Variants in POLR2B observed in about 807,000 individuals in gnomAD.
POLR2B encodes DNA-directed RNA polymerase II subunit RPB2.
In POLR2B, 57 loss-of-function variants were observed where a neutral mutation model predicts 144.6. The observed-to-expected ratio is 0.39, with a 90% CI of 0.32 to 0.49. The LOEUF (loss-of-function observed/expected upper bound fraction) is 0.49, where lower values mean the gene tolerates loss of function less well. Among genes scored for constraint, POLR2B ranks in the 20% least tolerant of loss-of-function variants. The pLI, the probability that POLR2B is intolerant of heterozygous loss-of-function variation, is 0.83. For missense variants in POLR2B, 595 were observed against 1,467.4 expected, an observed-to-expected ratio of 0.41 and a Z score of 9.71; for synonymous variants, 442 against 469.8, an observed-to-expected ratio of 0.94 and a Z score of 0.77.
intron 23 of POLR2B, among the ~76,000 whole-genome samples, chr4:57,028,034 T>TA (rs1723781097): frequency 6.6e-6 from 1 of 152,224 alleles, no homozygotes; most frequent in Non-Finnish European, 1.5e-5. Flanking sequence ...CTCAAAGACT[T>TA]ACTTTTTTCG....
chr4:57,001,149 T>C (rs1188145864), intron 7 of POLR2B, among the ~76,000 whole-genome samples: 1 of 152,148 alleles, frequency 6.6e-6, no homozygotes, highest in African/African-American at 2.4e-5. Flanking sequence ...ATATGTCTTT[T>C]TAGTCTTTTA....
intron 3 of POLR2B, among the ~76,000 whole-genome samples, chr4:56,992,721 G>A (rs574657515): frequency 3.0e-4 from 46 of 150,972 alleles, no homozygotes; most frequent in African/African-American, 1.1e-3. Context: ...CACCACGCCC[G>A]GCTATTATTT....
chr4:57,019,990 A>G (rs952380896), intron 16 of POLR2B, among the ~76,000 whole-genome samples: 1 of 151,956 alleles, frequency 6.6e-6, no homozygotes, highest in Admixed American at 6.6e-5. Flanking sequence ...TTTAGGTTTG[A>G]CTATTGTTTC....
intron 2 of POLR2B, among the ~76,000 whole-genome samples, chr4:56,987,788 A>G (rs1046968575): frequency 6.6e-6 from 1 of 152,114 alleles, no homozygotes; most frequent in Non-Finnish European, 1.5e-5. Context: ...AGGCTGAGGC[A>G]GGAGAATCAC....
In POLR2B at chr4:57,023,782, A is replaced by G; in HGVS notation, c.2856+31A>G. The G allele has an allele frequency of 7.3e-7, 1 of 1,374,028 alleles. No individual in the cohort carries two copies. 85.1% of individuals were successfully genotyped at this position (1,374,028 alleles called of 1,614,324 possible). A position where few individuals can be genotyped will look rare whatever the true frequency, so the allele number is the denominator to read the frequency against. ...TATCTTTGATCTCCCTCATGCCCAA[A>G]CCAGTTTTGTTAAATATTTTTTTTT... On this transcript the variant is annotated intron_variant, in intron 20 of 24. Coordinates refer to ENST00000314595, the MANE Select transcript of POLR2B (RefSeq NM_000938.3). The surrounding 1 kb of genome is among the most constrained non-coding windows in gnomAD (Gnocchi z 4.3).
chr4:57,014,739 C>T (rs564401017), intron 13 of POLR2B, among the ~76,000 whole-genome samples: 2 of 145,102 alleles, frequency 1.4e-5, no homozygotes, highest in Non-Finnish European at 1.5e-5. Flanking sequence ...CTCCTGACCT[C>T]GTGATCCATC....
At chr4:57,015,851 T>A (rs1723349544) in intron 14 of POLR2B, among the ~76,000 whole-genome samples, 195 bp downstream of exon 14, 1 of 152,112 alleles carries the variant, frequency 6.6e-6, no homozygotes, top group African/African-American at 2.4e-5. Context: ...CTCCACCTCC[T>A]GGGTTCAAGC....
chr4:57,004,093 C>A (rs932593665), intron 7 of POLR2B, among the ~76,000 whole-genome samples: 1 of 118,304 alleles, frequency 8.5e-6, no homozygotes, highest in Non-Finnish European at 1.6e-5. Flanking sequence ...GTGTCATGAT[C>A]TTGGCTCACT....
Position 57,017,643 on chromosome 4 carries a change from A to T in POLR2B, c.2238A>T (p.Thr746=), listed in dbSNP as rs143435619. 1.1e-5 allele frequency: 18 copies of T among 1,612,832 alleles called. No individual in the cohort carries two copies. The African/African-American group carries it at 2.4e-4, about 22-fold the overall frequency. The part of the protein sequence containing the change: ...YITNFHVRMD[T]LAHVLYYPQK... ...CCAACTTCCATGTTCGCATGGACAC[A>T]TTGGCCCATGTTCTCTATTATCCTC... The change falls in exon 16 of 25, where the codon ACA becomes ACT. Residue 746 remains threonine (T), a synonymous_variant. Transcript: ENST00000314595. This position sits in a 1 kb window ranked among gnomAD's most constrained non-coding sequence, Gnocchi z 4.8.
In POLR2B at chr4:56,996,260, GTGTA is replaced by G. The variant is rs1277443875; in HGVS notation, c.735+853_735+856del. Among the ~76,000 whole-genome samples the G allele has an allele frequency of 8.6e-3, 616 of 71,702 alleles. 24 individuals carry two copies. The highest frequency in any genetic ancestry group is 0.041 in the South Asian group (71 of 1,712). The allele number at this position is 71,702 out of a possible 152,430, so 47.0% of individuals were successfully genotyped here. A position where few individuals can be genotyped will look rare whatever the true frequency, so the allele number is the denominator to read the frequency against. On this transcript the variant is annotated intron_variant, in intron 6 of 24. Transcript: ENST00000314595. The stretch of plus-strand genomic sequence containing the variant: ...TGTGTATGTATATGTGTGTGTGTGT[GTGTA>G]TATATATATATATATTTTTTTTTTT...
At chr4:57,028,601 G>C (rs1723798073) in intron 23 of POLR2B, among the ~76,000 whole-genome samples, 4 of 152,128 alleles carry the variant, frequency 2.6e-5, no homozygotes, top group Admixed American at 2.6e-4. Context: ...AGTAATGTTT[G>C]GTTCTGCTAC....
At chr4:57,007,769 A>G (rs575429955) in intron 10 of POLR2B, among the ~76,000 whole-genome samples, 1 of 152,332 alleles carries the variant, frequency 6.6e-6, no homozygotes, top group East Asian at 1.9e-4. Flanking sequence ...TAAAGAGTGT[A>G]TCACTGGGCA....
chr4:57,005,552 A>G, intron 8 of POLR2B, 48 bp from the exon 9 acceptor site: 1 of 1,549,330 alleles, frequency 6.5e-7, no homozygotes, highest in Non-Finnish European at 8.7e-7. Context: ...AAAAAGTCCA[A>G]AACTAAGTGT....
At chr4:57,029,419 C>A (rs1424336380) in intron 23 of POLR2B, among the ~76,000 whole-genome samples, 2 of 152,124 alleles carry the variant, frequency 1.3e-5, no homozygotes, top group African/African-American at 4.8e-5. Flanking sequence ...AAATAGTGAG[C>A]TGGTTGTCTA....
chr4:56,985,028 TG>T (rs776767534), intron 1 of POLR2B, among the ~76,000 whole-genome samples: 9 of 152,108 alleles, frequency 5.9e-5, no homozygotes, highest in Non-Finnish European at 8.8e-5. Context: ...CTGGTTCATT[TG>T]GGAAGACATT....
intron 1 of POLR2B, among the ~76,000 whole-genome samples, chr4:56,983,857 A>T (rs991506773): frequency 1.3e-5 from 2 of 148,848 alleles, no homozygotes; most frequent in Non-Finnish European, 3.0e-5. Context: ...CTTTGTCAGG[A>T]ATATTCATAT....
At chr4:56,999,241 ATTTC>A (rs1722782118) in intron 6 of POLR2B, among the ~76,000 whole-genome samples, 1 of 86,100 alleles carries the variant, frequency 1.2e-5, no homozygotes, top group Admixed American at 1.1e-4. Flanking sequence ...CCTCTCTTCT[ATTTC>A]TTTCTTCCAG....
At chr4:56,996,273 TA>T (rs1421850950) in intron 6 of POLR2B, among the ~76,000 whole-genome samples, 1 of 105,224 alleles carries the variant, frequency 9.5e-6, no homozygotes, top group African/African-American at 3.7e-5. Flanking sequence ...TATATATATA[TA>T]TATATTTTTT....
chr4:57,023,919 T>A lies in POLR2B; in HGVS notation c.2857-86T>A, dbSNP rs1037427407. The A allele has an allele frequency of 2.4e-6, 2 of 829,498 alleles. No homozygotes were observed. Among genetic ancestry groups the A allele is most frequent in the South Asian group, 1.7e-5 (1 of 57,476 alleles). 51.4% of individuals were successfully genotyped at this position (829,498 alleles called of 1,614,324 possible). A position where few individuals can be genotyped will look rare whatever the true frequency, so the allele number is the denominator to read the frequency against. On this transcript the variant is annotated intron_variant, in intron 20 of 24. Coordinates refer to ENST00000314595, the MANE Select transcript of POLR2B (RefSeq NM_000938.3). This position sits in a 1 kb window ranked among gnomAD's most constrained non-coding sequence, Gnocchi z 4.3. ...CCATGTTTAAACAGAATTTGGGACA[T>A]ACAGTAATTCAGTTGGGAGAACTGA...
Sources: allele counts gnomAD v4.1 joint callset (sites outside exome capture counted in the v4.1 genomes callset), GRCh38; gene constraint gnomAD v4.1.1; non-coding constraint Gnocchi (gnomAD v3.1); transcripts MANE v1.5; gene names NCBI Gene and HGNC (gene_info 2026-07-23, HGNC 2026-07-21).